PRR16: variants seen among roughly 807,000 people sequenced by gnomAD.
PRR16 encodes the protein protein Largen.
In PRR16, 6 loss-of-function variants were observed where a neutral mutation model predicts 18.2. The observed-to-expected ratio is 0.33, with a 90% confidence interval of 0.18 to 0.65. The LOEUF (loss-of-function observed/expected upper bound fraction) is 0.65. PRR16 is among the 30% of genes least tolerant of loss of function. The pLI is 0.74. For synonymous variants in PRR16, 151 were observed against 147.8 expected, an observed-to-expected ratio of 1.02 and a Z score of -0.16; for missense variants, 412 against 376.6, an observed-to-expected ratio of 1.09 and a Z score of -0.78.
intron 1 of PRR16, among the ~76,000 whole-genome samples, chr5:120,632,616 C>T (rs190166538): frequency 2.0e-4 from 30 of 152,056 alleles, no homozygotes; most frequent in African/African-American, 6.3e-4. Flanking sequence ...CTCGAAGAAG[C>T]GGAAGAAAGA....
At chr5:120,777,053 C>G in the PRR16 span, among the ~76,000 whole-genome samples, 1 of 152,046 alleles carries the variant, frequency 6.6e-6, no homozygotes, top group South Asian at 2.1e-4. Flanking sequence ...ACAACAACTT[C>G]TATTACCACA....
intron 1 of PRR16, among the ~76,000 whole-genome samples, chr5:120,464,904 G>C (rs1256272561): frequency 6.6e-6 from 1 of 152,052 alleles, no homozygotes. Flanking sequence ...GAACGCACGC[G>C]TGTCTCTGAA....
chr5:120,774,965 A>G, the PRR16 span, among the ~76,000 whole-genome samples: 1 of 152,150 alleles, frequency 6.6e-6, no homozygotes, highest in Admixed American at 6.5e-5. Flanking sequence ...TGTATTAATC[A>G]CACATTATCT....
the PRR16 span, among the ~76,000 whole-genome samples, chr5:120,705,638 TAA>T: frequency 6.6e-6 from 1 of 152,262 alleles, no homozygotes; most frequent in Non-Finnish European, 1.5e-5. Flanking sequence ...GCTAAGACAA[TAA>T]AAGTCATTTT....
intron 1 of PRR16, among the ~76,000 whole-genome samples, chr5:120,660,072 A>G (rs1300411169): frequency 6.6e-6 from 1 of 151,942 alleles, no homozygotes; most frequent in Non-Finnish European, 1.5e-5. Flanking sequence ...AGGGCATAGA[A>G]GAGTGTTTCG....
chr5:120,487,086 C>G (rs1013971163), intron 1 of PRR16, among the ~76,000 whole-genome samples: 5 of 135,450 alleles, frequency 3.7e-5, no homozygotes, highest in Non-Finnish European at 6.6e-5. Context: ...AGCGTGATGC[C>G]TCTAGCTTTG....
chr5:120,780,772 C>T, the PRR16 span, among the ~76,000 whole-genome samples: 7 of 152,126 alleles, frequency 4.6e-5, no homozygotes, highest in South Asian at 4.2e-4. Context: ...ATATAATTTC[C>T]GGCCGGGCGG....
chr5:120,599,033 A>G (rs1458102634), intron 1 of PRR16, among the ~76,000 whole-genome samples: 1 of 151,754 alleles, frequency 6.6e-6, no homozygotes, highest in Admixed American at 6.6e-5. Flanking sequence ...TTTTTGTTCA[A>G]ACTTGCTGTT....
At chr5:120,646,048 T>TTTTTTATATATATA (rs748781292) in intron 1 of PRR16, among the ~76,000 whole-genome samples, 1 of 104,984 alleles carries the variant, frequency 9.5e-6, no homozygotes, top group African/African-American at 3.0e-5. Flanking sequence ...AATACATATT[T>TTTTTTATATATATA]TATATATATA....
At chr5:120,540,372 T>G (rs1163825339) in intron 1 of PRR16, among the ~76,000 whole-genome samples, 1 of 152,164 alleles carries the variant, frequency 6.6e-6, no homozygotes, top group African/African-American at 2.4e-5. Context: ...TGGTCTTGCT[T>G]TAATCAGAAA....
the PRR16 span, among the ~76,000 whole-genome samples, chr5:120,757,746 C>T: frequency 4.6e-5 from 7 of 151,910 alleles, no homozygotes; most frequent in Admixed American, 2.6e-4. Context: ...GGTGAATTGG[C>T]GATGTGTAAC....
chr5:120,740,852 C>T, the PRR16 span, among the ~76,000 whole-genome samples: 6,824 of 151,948 alleles, frequency 0.045, 543 homozygotes, highest in African/African-American at 0.16. Flanking sequence ...TTTTTCTGTA[C>T]TTTAAAATGT....
chr5:120,533,619 C>G (rs1269324621), intron 1 of PRR16, among the ~76,000 whole-genome samples: 1 of 152,054 alleles, frequency 6.6e-6, no homozygotes, highest in East Asian at 1.9e-4. Flanking sequence ...GTAAAACCAC[C>G]AGGGAAAAGT....
chr5:120,651,926 G>A lies in PRR16; in HGVS notation c.160-34028G>A, dbSNP rs542213765. On this transcript the variant is annotated intron_variant, in intron 1 of 1. Transcript: ENST00000407149. ...TCTATAAATTACCTTGGGCAGTATG[G>A]CCATTTTCACGATATTGATTCTTCC... Among the ~76,000 whole-genome samples, 679 of 152,014 alleles carry A rather than the reference G, an allele frequency of 4.5e-3. 2 individuals carry two copies. The highest frequency in any genetic ancestry group is 7.6e-3 in the Non-Finnish European group (515 of 67,942).
chr5:120,645,002 G>T (rs1755541283), intron 1 of PRR16, among the ~76,000 whole-genome samples: 1 of 152,032 alleles, frequency 6.6e-6, no homozygotes, highest in Admixed American at 6.6e-5. Context: ...CCTCTCTTCT[G>T]ACTAGATGCT....
rs1162328230 is a variant in PRR16, at chr5:120,687,061, C to A, written c.*352C>A. 6.0e-6 allele frequency: 1 copy of A among 166,680 alleles called. No individual in the cohort carries two copies. Among genetic ancestry groups the A allele is most frequent in the African/African-American group, 2.4e-5 (1 of 42,208 alleles). The allele number at this position is 166,680 out of a possible 1,614,324, so 10.3% of individuals were successfully genotyped here. A position where few individuals can be genotyped will look rare whatever the true frequency, so the allele number is the denominator to read the frequency against. On this transcript the variant is annotated 3_prime_UTR_variant, in exon 2 of 2. Transcript: ENST00000407149. ...TATGCCTAAGTCATCTATGCATTAA[C>A]ATGTCATATTCTTAACTTTGATCTA...
chr5:120,532,318 G>A (rs930965517), intron 1 of PRR16, among the ~76,000 whole-genome samples: 4 of 151,882 alleles, frequency 2.6e-5, no homozygotes, highest in Non-Finnish European at 5.9e-5. Flanking sequence ...TTCCTTTGAA[G>A]GATATTAAGA....
chr5:120,530,267 ATATATATATATATATATT>A (rs1014062558), intron 1 of PRR16, among the ~76,000 whole-genome samples: 3 of 121,872 alleles, frequency 2.5e-5, no homozygotes, highest in African/African-American at 1.1e-4. Flanking sequence ...ATATATATAT[ATATATATATATATATATT>A]TATTTATTTA....
At chr5:120,667,236 T>TA in intron 1 of PRR16, among the ~76,000 whole-genome samples, 1 of 143,670 alleles carries the variant, frequency 7.0e-6, no homozygotes, top group Non-Finnish European at 1.6e-5. Context: ...TCTAGTTTAT[T>TA]TGCGTAGAGG....
Sources: gnomAD v4.1 joint callset for allele counts (sites outside exome capture counted in the v4.1 genomes callset) on GRCh38, gnomAD v4.1.1 for gene constraint, MANE v1.5 for transcripts, NCBI Gene and HGNC (gene_info 2026-07-23, HGNC 2026-07-21) for gene names.